Variants in GRK4 observed in about 807,000 individuals in gnomAD.
GRK4 encodes the protein G protein-coupled receptor kinase 4, also known as G protein-coupled receptor kinase 2-like.
Under a neutral mutation model 77.9 loss-of-function variants are expected in GRK4, and 73 were observed. The observed-to-expected ratio is 0.94, with a 90% CI of 0.78 to 1.14. The LOEUF is 1.14. Among genes scored for constraint, GRK4 ranks in the 50% most tolerant of loss-of-function variants. The probability of loss-of-function intolerance (pLI) is 0.00; values close to 1 mark genes in which losing one functional copy is unlikely to be tolerated. For synonymous variants in GRK4, 257 were observed against 254.4 expected (o/e 1.01, Z -0.10); for missense variants, 729 against 700.2 (o/e 1.04, Z -0.46).
chr4:3,038,457 C>A lies in GRK4; in HGVS notation c.1627C>A (p.His543Asn). 1 of 1,614,016 alleles carries A rather than the reference C, an allele frequency of 6.2e-7. No homozygotes were observed. Among genetic ancestry groups the A allele is most frequent in the Non-Finnish European group, 8.5e-7 (1 of 1,179,982 alleles). The change falls in exon 15 of 16, where the codon CAT (histidine) becomes AAT (asparagine). Residue 543 changes from histidine to asparagine, a missense_variant. Physicochemically the swap from His to Asn is moderately conservative, Grantham distance 68. Coordinates refer to ENST00000398052, the MANE Select transcript of GRK4 (RefSeq NM_182982.3). ...ALPLDLDKNI[H>N]TPVSRPNRGF... The stretch of plus-strand genomic sequence containing the variant: ...GCCATTAGATCTAGACAAGAACATA[C>A]ATACCCCGGTTTCCAGACCAAACAG...
intron 10 of GRK4, among the ~76,000 whole-genome samples, chr4:3,026,042 C>G (rs1281564472): frequency 6.6e-6 from 1 of 152,228 alleles, no homozygotes; most frequent in Non-Finnish European, 1.5e-5. Context: ...CGCTGGTAAG[C>G]GTGTCATCTC....
At chr4:2,978,790 T>G (rs1721945108) in intron 1 of GRK4, among the ~76,000 whole-genome samples, 1 of 151,964 alleles carries the variant, frequency 6.6e-6, no homozygotes, top group African/African-American at 2.4e-5. Context: ...ACAAAAGCTT[T>G]TTAAAAAAAT....
intron 2 of GRK4, chr4:2,986,746 C>T: frequency 3.9e-6 from 1 of 253,876 alleles, no homozygotes; most frequent in South Asian, 3.6e-5. Flanking sequence ...TTTGTGTTAT[C>T]TGTAGGAAGG....
Position 3,017,251 on chromosome 4 carries a change from C to T in GRK4, c.742-2390C>T, listed in dbSNP as rs567498732. 3.9e-5 allele frequency among the ~76,000 whole-genome samples: 6 copies of T among 152,338 alleles called. No individual in the cohort carries two copies. The South Asian group carries it at 1.2e-3, about 32-fold the overall frequency. On this transcript the variant is annotated intron_variant, in intron 8 of 15. Transcript: ENST00000398052. ...CCACATCAGGCCTGGGGTCTGACTG[C>T]ACTCTGCCTGAAGCATCACTGCCTT...
rs1578047498 is a variant in GRK4, at chr4:2,984,703, A to G, written c.148+95A>G. ...TTTCTTGAGTTCCATGTTTGTTTCA[A>G]ACATTTTATGATAAATTCTCCTTAT... On this transcript the variant is annotated intron_variant, in intron 2 of 15. Transcript: ENST00000398052. 4.8e-5 allele frequency: 27 copies of G among 566,016 alleles called. No individual in the cohort carries two copies. In the East Asian group the frequency reaches 9.0e-4, roughly 19 times the overall value. The allele number at this position is 566,016 out of a possible 1,614,324, so 35.1% of individuals were successfully genotyped here.
intron 1 of GRK4, among the ~76,000 whole-genome samples, chr4:2,968,240 T>G (rs187010289): frequency 4.6e-5 from 7 of 152,304 alleles, no homozygotes; most frequent in Admixed American, 3.9e-4. Flanking sequence ...TTGGAGAAAT[T>G]GAAAACAAAT....
chr4:2,987,436 T>C (rs1047130146), intron 2 of GRK4, among the ~76,000 whole-genome samples: 4 of 152,238 alleles, frequency 2.6e-5, no homozygotes, highest in Non-Finnish European at 5.9e-5. Context: ...TGATAAAATA[T>C]ACATAACAAA....
chr4:3,022,551 A>G, intron 10 of GRK4, 100 bp downstream of exon 10: 2 of 1,015,336 alleles, frequency 2.0e-6, no homozygotes, highest in Non-Finnish European at 3.0e-6. Context: ...ATTAGGAGAG[A>G]ATGGAAACAA....
At chr4:2,992,650 C>A (rs1726610269) in intron 4 of GRK4, among the ~76,000 whole-genome samples, 1 of 151,858 alleles carries the variant, frequency 6.6e-6, no homozygotes, top group African/African-American at 2.4e-5. Context: ...CCACTGCATT[C>A]TAGCCTGGGT....
At chr4:3,009,622 T>G in intron 6 of GRK4, 26 bp from the exon 7 acceptor site, 1 of 1,589,016 alleles carries the variant, frequency 6.3e-7, no homozygotes, top group South Asian at 1.1e-5. Flanking sequence ...ATGTGAGACC[T>G]GAAACTTGTT....
chr4:3,025,810 ATTATT>A (rs1737367000), intron 10 of GRK4, among the ~76,000 whole-genome samples: 1 of 152,194 alleles, frequency 6.6e-6, no homozygotes, highest in East Asian at 1.9e-4. Context: ...TCCCCAAGTA[ATTATT>A]TTAACTCATA....
intron 2 of GRK4, among the ~76,000 whole-genome samples, chr4:2,984,994 T>C (rs1723856666): frequency 6.6e-6 from 1 of 152,148 alleles, no homozygotes; most frequent in Non-Finnish European, 1.5e-5. Flanking sequence ...CATTGTTCTA[T>C]ACATTACTGA....
chr4:3,006,597 T>C (rs995707914), intron 5 of GRK4, among the ~76,000 whole-genome samples: 1 of 151,478 alleles, frequency 6.6e-6, no homozygotes, highest in Non-Finnish European at 1.5e-5. Context: ...CTGGACAACA[T>C]GGTGAAACCC....
At chr4:3,011,789 A>G (rs907769144) in intron 7 of GRK4, among the ~76,000 whole-genome samples, 3 of 152,212 alleles carry the variant, frequency 2.0e-5, no homozygotes, top group African/African-American at 7.2e-5. Flanking sequence ...TTATTTTGTC[A>G]ACAGTAATTC....
rs527411010 is a variant in GRK4 at position 3,021,188 on chromosome 4, G to A, written c.933-1226G>A. ...CTCCCACACCCCCTGCCCTCATCAT[G>A]CGAGGGTTTTAGCTGCTCAGGTGTC... On this transcript the variant is annotated intron_variant, in intron 9 of 15. Coordinates refer to ENST00000398052, the MANE Select transcript of GRK4 (RefSeq NM_182982.3). Among the ~76,000 whole-genome samples the A allele has an allele frequency of 4.8e-4, 73 of 152,230 alleles. 1 individual carries two copies. Among genetic ancestry groups the A allele is most frequent in the African/African-American group, 1.5e-3 (61 of 41,524 alleles).
intron 1 of GRK4, among the ~76,000 whole-genome samples, chr4:2,969,591 G>T (rs1052419166): frequency 6.6e-6 from 1 of 151,748 alleles, no homozygotes; most frequent in South Asian, 2.1e-4. Context: ...GGTCAGGCTG[G>T]TCTCGAACTC....
chr4:2,972,486 G>C (rs547092903), intron 1 of GRK4, among the ~76,000 whole-genome samples: 82 of 152,134 alleles, frequency 5.4e-4, no homozygotes, highest in Non-Finnish European at 9.7e-4. Context: ...GAGGGGTAGA[G>C]TGGCGCTAGG....
At position 3,037,432 on chromosome 4, in the gene GRK4, G is replaced by T; in HGVS notation, c.1466G>T (p.Gly489Val). 1 of 1,608,164 alleles carries T rather than the reference G, an allele frequency of 6.2e-7. No individual in the cohort carries two copies. Among genetic ancestry groups the T allele is most frequent in the Non-Finnish European group, 8.5e-7 (1 of 1,175,930 alleles). ...LDIEQFSVVKGIYLDTADEDF... is the reference protein window; with the variant it reads ...LDIEQFSVVKVIYLDTADEDF... ...ATCGAGCAGTTCTCGGTGGTGAAAG[G>T]GATCTACCTGGACACCGCAGATGAA... Residue 489 changes from glycine (G) to valine (V), a missense_variant, in exon 14 of 16, where the codon GGG becomes GTG. Coordinates refer to ENST00000398052, the MANE Select transcript of GRK4 (RefSeq NM_182982.3).
At position 3,037,472 on chromosome 4, in the gene GRK4, G is replaced by T; in HGVS notation, c.1506G>T (p.Arg502=). ...CCGCAGATGAAGACTTCTATGCTCG[G>T]TTTGCTACCGGGTGTGTCTCCATCC... ...LDTADEDFYA[R]FATGCVSIPW... is the part of the protein sequence containing the mutation. Residue 502 remains arginine, a synonymous_variant, in exon 14 of 16, where the codon CGG becomes CGT. Coordinates refer to ENST00000398052, the MANE Select transcript of GRK4 (RefSeq NM_182982.3). The T allele has an allele frequency of 6.2e-7, 1 of 1,610,494 alleles. No homozygotes were observed. The highest frequency in any genetic ancestry group is 8.5e-7 in the Non-Finnish European group (1 of 1,176,976).
Sources: allele counts gnomAD v4.1 joint callset (sites outside exome capture counted in the v4.1 genomes callset), GRCh38; gene constraint gnomAD v4.1.1; transcripts MANE v1.5; gene names NCBI Gene and HGNC (gene_info 2026-07-23, HGNC 2026-07-21).